The following LAMA2 variants were observed in gnomAD, a reference collection of about 807,000 sequenced individuals.
LAMA2 encodes the protein laminin subunit alpha 2, also known as laminin subunit alpha-2.
LAMA2 carries 269 observed loss-of-function variants against 364.8 expected under a neutral mutation model. The ratio of observed to expected loss-of-function variants is 0.74; its 90% CI spans 0.67 to 0.82. LAMA2 has a LOEUF of 0.82. Ranked by LOEUF, LAMA2 falls within the 40% of genes least tolerant of loss-of-function variation. The probability of loss-of-function intolerance (pLI) is 0.00; values close to 1 mark genes in which losing one functional copy is unlikely to be tolerated. For missense variants in LAMA2, 3,807 were observed against 3,873.2 expected (o/e 0.98, Z 0.45); for synonymous variants, 1,379 against 1,370.6 (o/e 1.01, Z -0.14).
chr6:129,506,356 A>AAAAT (rs920313711), intron 61 of LAMA2, among the ~76,000 whole-genome samples: 114 of 152,200 alleles, frequency 7.5e-4, no homozygotes, highest in Middle Eastern at 3.4e-3. Flanking sequence ...CTGTCTCAAA[A>AAAAT]AAATAAATAA....
intron 1 of LAMA2, among the ~76,000 whole-genome samples, chr6:128,989,356 A>G (rs1457651031): frequency 6.6e-6 from 1 of 152,236 alleles, no homozygotes; most frequent in Non-Finnish European, 1.5e-5. Flanking sequence ...GAAATCATGC[A>G]TGCTCCTCAC....
At chr6:129,343,172 T>C (rs1776362306) in intron 30 of LAMA2, among the ~76,000 whole-genome samples, 1 of 152,166 alleles carries the variant, frequency 6.6e-6, no homozygotes, top group Non-Finnish European at 1.5e-5. Flanking sequence ...TTAAGTGATT[T>C]ATAGACTTCA....
At chr6:128,987,126 G>GTTTTTTTTTTTTTT (rs377549921) in intron 1 of LAMA2, among the ~76,000 whole-genome samples, 1 of 121,196 alleles carries the variant, frequency 8.3e-6, no homozygotes, top group Non-Finnish European at 1.8e-5. Context: ...AGGATAGTTT[G>GTTTTTTTTTTTTTT]TTTTTTTTTT....
chr6:129,330,059 A>G (rs1203443301), intron 29 of LAMA2, among the ~76,000 whole-genome samples: 2 of 151,608 alleles, frequency 1.3e-5, no homozygotes, highest in Non-Finnish European at 2.9e-5. Context: ...ATGATCTGTC[A>G]CTGTCTCCCA....
intron 1 of LAMA2, among the ~76,000 whole-genome samples, chr6:128,902,477 A>G (rs1777149450): frequency 6.6e-6 from 1 of 152,196 alleles, no homozygotes. Flanking sequence ...AGCAAGAAAA[A>G]TGAGAAAAAA....
At chr6:128,900,040 T>A (rs888878488) in intron 1 of LAMA2, among the ~76,000 whole-genome samples, 1 of 152,164 alleles carries the variant, frequency 6.6e-6, no homozygotes, top group African/African-American at 2.4e-5. Flanking sequence ...GTCCTTCCTA[T>A]TTCAGGCAAA....
At chr6:129,300,703 C>G in intron 21 of LAMA2, 33 bp from the exon 22 acceptor site, 1 of 1,611,452 alleles carries the variant, frequency 6.2e-7, no homozygotes, top group Non-Finnish European at 8.5e-7. Context: ...ACTATTTTTC[C>G]CCTTCTTTGT....
intron 1 of LAMA2, among the ~76,000 whole-genome samples, chr6:128,937,083 A>C (rs926218607): frequency 6.6e-6 from 1 of 152,184 alleles, no homozygotes; most frequent in African/African-American, 2.4e-5. Context: ...TTTTCCACTT[A>C]ATATTTTCAG....
chr6:129,211,017 C>T (rs1303991498), intron 12 of LAMA2, among the ~76,000 whole-genome samples: 1 of 152,090 alleles, frequency 6.6e-6, no homozygotes, highest in African/African-American at 2.4e-5. Context: ...CTGTGGTTTC[C>T]CCATAAGAAA....
Position 129,242,846 on chromosome 6 carries a change from C to A in LAMA2, c.1783-7266C>A, listed in dbSNP as rs374578261. 5.3e-5 allele frequency among the ~76,000 whole-genome samples: 8 copies of A among 152,174 alleles called. No homozygotes were observed. The South Asian group carries it at 8.3e-4, about 16-fold the overall frequency. Reference sequence around the variant, plus strand: ...AACTCAAGATTTGATCAGTGTATGTCATAAAGTAACAAGTAGTACGCTAAG... The same window carrying A: ...AACTCAAGATTTGATCAGTGTATGTAATAAAGTAACAAGTAGTACGCTAAG... On this transcript the variant is annotated intron_variant, in intron 12 of 64. Coordinates refer to ENST00000421865, the MANE Select transcript of LAMA2 (RefSeq NM_000426.4).
chr6:129,254,852 G>A (rs1454139740), intron 14 of LAMA2, among the ~76,000 whole-genome samples: 1 of 152,072 alleles, frequency 6.6e-6, no homozygotes, highest in East Asian at 1.9e-4. Context: ...AGGCTTTTAT[G>A]AAGCACCTAT....
In LAMA2 at chr6:129,300,803, T is replaced by C. The variant is rs759812348; in HGVS notation, c.3105T>C (p.Asn1035=). ...CTGGGCGATGCATTTGCCCTCCCAA[T>C]ACCATTGGAGAGAAATGTTCTAAAT... ...PKTGRCICPP[N]TIGEKCSKCA... The change falls in exon 22 of 65, where the codon AAT becomes AAC. Residue 1035 remains asparagine (N), a synonymous_variant. Transcript: ENST00000421865. 1.2e-6 allele frequency: 2 copies of C among 1,613,062 alleles called. No homozygotes were observed. Among genetic ancestry groups the C allele is most frequent in the East Asian group, 4.5e-5 (2 of 44,856 alleles).
At chr6:128,988,595 TAAAC>T (rs1783417381) in intron 1 of LAMA2, among the ~76,000 whole-genome samples, 1 of 152,184 alleles carries the variant, frequency 6.6e-6, no homozygotes, top group Non-Finnish European at 1.5e-5. Context: ...CCTGGACAAT[TAAAC>T]AGTCAGTTAT....
chr6:129,224,535 A>C (rs560304858), intron 12 of LAMA2, among the ~76,000 whole-genome samples: 1 of 152,224 alleles, frequency 6.6e-6, no homozygotes, highest in African/African-American at 2.4e-5. Context: ...TACCTAATTT[A>C]TTGAGAGTTT....
intron 1 of LAMA2, 93 bp from the exon 2 acceptor site, chr6:129,049,825 C>G (rs925192268): frequency 3.5e-6 from 4 of 1,155,980 alleles, no homozygotes; most frequent in Non-Finnish European, 5.2e-6. Flanking sequence ...CTTTAATGCT[C>G]CGAAAAATAT....
chr6:129,355,803 A>C (rs932636566), intron 32 of LAMA2, among the ~76,000 whole-genome samples: 1 of 152,148 alleles, frequency 6.6e-6, no homozygotes, highest in Non-Finnish European at 1.5e-5. Context: ...TTCCCTGGGA[A>C]ATATAATTTA....
intron 3 of LAMA2, among the ~76,000 whole-genome samples, chr6:129,082,460 T>TA (rs1457004497): frequency 6.6e-6 from 1 of 152,154 alleles, no homozygotes; most frequent in Non-Finnish European, 1.5e-5. Context: ...GCTAGTTCTC[T>TA]AGTAGGCACC....
chr6:128,976,214 C>T (rs1782521090), intron 1 of LAMA2, among the ~76,000 whole-genome samples: 1 of 152,096 alleles, frequency 6.6e-6, no homozygotes, highest in Non-Finnish European at 1.5e-5. Flanking sequence ...GAAGAAGGCT[C>T]TAGGCATGAT....
At position 129,025,960 on chromosome 6, in the gene LAMA2, A is replaced by G. The variant is rs1414851254; in HGVS notation, c.113-23958A>G. Among the ~76,000 whole-genome samples the G allele has an allele frequency of 3.3e-5, 5 of 152,312 alleles. No individual in the cohort carries two copies. The East Asian group carries it at 9.6e-4, about 29-fold the overall frequency. ...TTGTTGTGCACAGACCTGCACAAAC[A>G]CACACACATGCAAGGTTTCACGAAT... On this transcript the variant is annotated intron_variant, in intron 1 of 64. Coordinates refer to ENST00000421865, the MANE Select transcript of LAMA2 (RefSeq NM_000426.4).
Sources: allele counts gnomAD v4.1 joint callset (sites outside exome capture counted in the v4.1 genomes callset), GRCh38; gene constraint gnomAD v4.1.1; transcripts MANE v1.5; gene names NCBI Gene and HGNC (gene_info 2026-07-23, HGNC 2026-07-21).